Variants in PSMD1 observed in about 807,000 individuals in gnomAD.
PSMD1 encodes proteasome 26S subunit, non-ATPase 1, also known as 26S proteasome non-ATPase regulatory subunit 1.
Under a neutral mutation model 119.0 loss-of-function variants are expected in PSMD1, and 18 were observed. The observed-to-expected ratio is 0.15, with a 90% CI of 0.10 to 0.22. The LOEUF (loss-of-function observed/expected upper bound fraction) is 0.22, where lower values mean the gene tolerates loss of function less well. Among genes scored for constraint, PSMD1 ranks in the 10% least tolerant of loss-of-function variants. PSMD1 has a pLI of 1.00. For synonymous variants in PSMD1, 374 were observed against 396.6 expected (o/e 0.94, Z 0.68); for missense variants, 702 against 1,158.5 (o/e 0.61, Z 5.72).
At chr2:231,094,079 A>G (rs993122455) in intron 16 of PSMD1, among the ~76,000 whole-genome samples, 4 of 152,178 alleles carry the variant, frequency 2.6e-5, no homozygotes, top group Non-Finnish European at 5.9e-5. Context: ...GGATGTGAGT[A>G]ACATCTGTTT....
intron 5 of PSMD1, among the ~76,000 whole-genome samples, chr2:231,068,906 G>T (rs923521339): frequency 6.6e-6 from 1 of 152,162 alleles, no homozygotes; most frequent in African/African-American, 2.4e-5. Flanking sequence ...TTGTGCTGAG[G>T]CTGCGCTGAG....
chr2:231,165,769 A>G (rs1471941666), intron 22 of PSMD1, 102 bp from the exon 23 acceptor site: 2 of 1,018,750 alleles, frequency 2.0e-6, no homozygotes, highest in East Asian at 2.6e-5. Flanking sequence ...ACCGACCACT[A>G]CCTCTTGTAC....
intron 16 of PSMD1, among the ~76,000 whole-genome samples, chr2:231,136,805 CAA>C: frequency 6.6e-6 from 1 of 151,822 alleles, no homozygotes; most frequent in Non-Finnish European, 1.5e-5. Context: ...CCAATACTTT[CAA>C]AGTCACTTTA....
chr2:231,130,548 G>A (rs776317542), intron 16 of PSMD1, among the ~76,000 whole-genome samples: 7 of 152,174 alleles, frequency 4.6e-5, no homozygotes, highest in Non-Finnish European at 7.3e-5. Context: ...TCAGCTCACT[G>A]CAGACTTGAC....
chr2:231,085,587 G>A (rs565248005), intron 15 of PSMD1, among the ~76,000 whole-genome samples: 5 of 152,232 alleles, frequency 3.3e-5, no homozygotes, highest in African/African-American at 1.2e-4. Flanking sequence ...TTATGCCACC[G>A]CACTCTAGCC....
intron 14 of PSMD1, among the ~76,000 whole-genome samples, chr2:231,084,383 T>C (rs1252506426): frequency 2.0e-5 from 3 of 151,964 alleles, no homozygotes; most frequent in African/African-American, 7.3e-5. Context: ...TTTGGAATGA[T>C]TTGATAGTCA....
Position 231,067,001 on chromosome 2 carries a change from G to T in PSMD1, c.400G>T (p.Val134Leu). Residue 134 changes from valine (V) to leucine (L), a missense_variant, in exon 5 of 25, where the codon GTA becomes TTA. Physicochemically the swap from Val to Leu is conservative, Grantham distance 32 (BLOSUM62 1). This residue lies in a region of PSMD1 where 50 missense variants were observed against 41.8 expected (regional missense o/e 1.20). Transcript: ENST00000308696. Reference sequence around the variant, plus strand: ...AATTGACCAGAGATTGGAAGGCATCGTAAATAAAATGTTCCAGCGATGTCT... The same window carrying T: ...AATTGACCAGAGATTGGAAGGCATCTTAAATAAAATGTTCCAGCGATGTCT... ...KPIDQRLEGI[V>L]NKMFQRCLDD... 1 of 1,613,586 alleles carries T rather than the reference G, an allele frequency of 6.2e-7. No homozygotes were observed. Among genetic ancestry groups the T allele is most frequent in the Non-Finnish European group, 8.5e-7 (1 of 1,179,818 alleles).
chr2:231,094,589 G>T (rs1396175425), intron 16 of PSMD1, among the ~76,000 whole-genome samples: 1 of 152,222 alleles, frequency 6.6e-6, no homozygotes, highest in Non-Finnish European at 1.5e-5. Context: ...TAAGGCTCCA[G>T]CCTTAGCTGT....
At chr2:231,122,720 T>C (rs1367894237) in intron 16 of PSMD1, among the ~76,000 whole-genome samples, 4 of 152,274 alleles carry the variant, frequency 2.6e-5, no homozygotes, top group Non-Finnish European at 5.9e-5. Context: ...CCTTTTATTA[T>C]CGCAATAACT....
At chr2:231,073,816 A>G (rs1397169174) in intron 7 of PSMD1, among the ~76,000 whole-genome samples, 2 of 152,062 alleles carry the variant, frequency 1.3e-5, no homozygotes, top group Non-Finnish European at 2.9e-5. Flanking sequence ...ATATAGAAAT[A>G]TAATTGATTT....
In PSMD1 at chr2:231,062,556, T is replaced by C; in HGVS notation, c.185T>C (p.Leu62Ser). Residue 62 changes from leucine to serine, a missense_variant, in exon 4 of 25, where the codon TTA (leucine) becomes TCA (serine). Leu to Ser is a moderately radical substitution (Grantham distance 145). Coordinates refer to ENST00000308696, the MANE Select transcript of PSMD1 (RefSeq NM_002807.4). ...EGFRSRQFAALVASKVFYHLG... is the reference protein window; with the variant it reads ...EGFRSRQFAASVASKVFYHLG... ...TTCCGGAGTCGGCAGTTTGCAGCCT[T>C]AGTGGCATCTAAAGTATTTTATCAC... 6.2e-7 allele frequency: 1 copy of C among 1,610,856 alleles called. No individual in the cohort carries two copies. The highest frequency in any genetic ancestry group is 8.5e-7 in the Non-Finnish European group (1 of 1,179,150).
rs769686079 is a variant in PSMD1 at position 231,123,748 on chromosome 2, CTG to C, written c.1884-14986_1884-14985del. 1.4e-5 allele frequency: 22 copies of C among 1,613,604 alleles called. No individual in the cohort carries two copies. In the Admixed American group the frequency reaches 3.7e-4, roughly 27 times the overall value. On this transcript the variant is annotated intron_variant, in intron 16 of 24. Coordinates refer to ENST00000308696, the MANE Select transcript of PSMD1 (RefSeq NM_002807.4). ...AATTGTGCTTTGAAGTTCAGACACT[CTG>C]TAAGAGAGAGCCATTTGCTGTTTTT...
chr2:231,108,579 C>G (rs1300743615), intron 16 of PSMD1: 2 of 1,613,954 alleles, frequency 1.2e-6, no homozygotes, highest in Middle Eastern at 3.3e-4. Context: ...AGAAGCGTAT[C>G]TAGTAGAATG....
chr2:231,057,741 G>T (rs968611815), intron 1 of PSMD1, among the ~76,000 whole-genome samples: 1 of 152,324 alleles, frequency 6.6e-6, no homozygotes, highest in African/African-American at 2.4e-5. Flanking sequence ...TTTCATACGC[G>T]CAAACCATTG....
intron 16 of PSMD1, among the ~76,000 whole-genome samples, chr2:231,125,412 G>A (rs143541800): frequency 9.9e-5 from 15 of 152,258 alleles, no homozygotes; most frequent in Admixed American, 7.8e-4. Flanking sequence ...AGATTCTGCC[G>A]TTTTAAAAGC....
At chr2:231,108,900 G>C (rs1695056455) in intron 16 of PSMD1, 1 of 1,613,924 alleles carries the variant, frequency 6.2e-7, no homozygotes, top group Non-Finnish European at 8.5e-7. Context: ...AGAGTAGTTT[G>C]GTTACAGGAA....
At chr2:231,095,988 T>C (rs1032426120) in intron 16 of PSMD1, among the ~76,000 whole-genome samples, 1 of 152,208 alleles carries the variant, frequency 6.6e-6, no homozygotes. Context: ...CTACCCAAGT[T>C]GGATCTTGAG....
At chr2:231,144,253 T>C (rs1696199571) in intron 17 of PSMD1, among the ~76,000 whole-genome samples, 1 of 137,822 alleles carries the variant, frequency 7.3e-6, no homozygotes, top group Non-Finnish European at 1.6e-5. Context: ...GTTTGTTTCC[T>C]TTTTTTTTTT....
chr2:231,119,625 C>CT (rs969527247), intron 16 of PSMD1, among the ~76,000 whole-genome samples: 14 of 152,090 alleles, frequency 9.2e-5, no homozygotes, highest in African/African-American at 2.7e-4. Context: ...AATCCCAACA[C>CT]TTTGGGAGGC....
Sources: allele counts gnomAD v4.1 joint callset (sites outside exome capture counted in the v4.1 genomes callset), GRCh38; gene constraint gnomAD v4.1.1; regional missense constraint gnomAD v4.1.1; transcripts MANE v1.5; gene names NCBI Gene and HGNC (gene_info 2026-07-23, HGNC 2026-07-21).